Variants in ERC1 observed in about 807,000 individuals in gnomAD.
ERC1 encodes ELKS/RAB6-interacting/CAST family member 1.
A neutral mutation model predicts 132.0 loss-of-function variants in ERC1; 56 were observed. The ratio of observed to expected loss-of-function variants is 0.42; its 90% confidence interval spans 0.34 to 0.53. The LOEUF is 0.53. Ranked by LOEUF, ERC1 falls within the 20% of genes least tolerant of loss-of-function variation. The pLI is 0.03. For missense variants in ERC1, 1,202 were observed against 1,349.9 expected (o/e 0.89, Z 1.72); for synonymous variants, 478 against 476.1 (o/e 1.00, Z -0.05).
chr12:1,028,546 T>C lies in ERC1; in HGVS notation c.643T>C (p.Tyr215His). 1 of 1,612,598 alleles carries C rather than the reference T, an allele frequency of 6.2e-7. No homozygotes were observed. The highest frequency in any genetic ancestry group is 8.5e-7 in the Non-Finnish European group (1 of 1,179,516). Residue 215 changes from tyrosine (Y) to histidine (H), a missense_variant, in exon 2 of 19, where the codon TAC (tyrosine) becomes CAC (histidine). Physicochemically the swap from Tyr to His is moderately conservative, Grantham distance 83. Coordinates refer to ENST00000360905, the MANE Select transcript of ERC1 (RefSeq NM_178040.4). ...CAAAATCACCATTTGGAAGGAACAG[T>C]ACAGAGTTGTACAGGAGGAAAACCA... ...ASKITIWKEQ[Y>H]RVVQEENQHM...
At chr12:1,000,411 T>C (rs1436649681) in intron 1 of ERC1, among the ~76,000 whole-genome samples, 3 of 150,258 alleles carry the variant, frequency 2.0e-5, no homozygotes, top group African/African-American at 7.4e-5. Flanking sequence ...CCTTGAACCC[T>C]GGAGGCGGAG....
chr12:1,320,411 G>A (rs2082034665), intron 15 of ERC1, among the ~76,000 whole-genome samples: 1 of 152,108 alleles, frequency 6.6e-6, no homozygotes, highest in South Asian at 2.1e-4. Flanking sequence ...TTTTATATTT[G>A]AGATATCTTT....
chr12:1,366,499 A>G (rs1466495090), intron 15 of ERC1, among the ~76,000 whole-genome samples: 3 of 152,234 alleles, frequency 2.0e-5, no homozygotes, highest in Non-Finnish European at 2.9e-5. Context: ...CAGAGGACAT[A>G]ACATAAACCT....
chr12:1,310,447 G>C (rs1281703396), intron 15 of ERC1, among the ~76,000 whole-genome samples: 1 of 152,148 alleles, frequency 6.6e-6, no homozygotes, highest in Non-Finnish European at 1.5e-5. Flanking sequence ...GACCTCAGGT[G>C]ATCTGCCTGC....
intron 2 of ERC1, among the ~76,000 whole-genome samples, chr12:1,072,310 A>T (rs1394939226): frequency 6.6e-6 from 1 of 152,194 alleles, no homozygotes; most frequent in East Asian, 1.9e-4. Flanking sequence ...AAGGAAGCAA[A>T]TTTATTTTCC....
chr12:1,146,915 T>C (rs995470536), intron 8 of ERC1, among the ~76,000 whole-genome samples: 25 of 152,114 alleles, frequency 1.6e-4, no homozygotes, highest in African/African-American at 6.0e-4. Context: ...ACAATGATGG[T>C]TTCCAGTTTC....
intron 1 of ERC1, among the ~76,000 whole-genome samples, chr12:998,140 TTC>T (rs1565742903): frequency 6.6e-6 from 1 of 152,228 alleles, no homozygotes; most frequent in Non-Finnish European, 1.5e-5. Flanking sequence ...CTCAACCTAT[TTC>T]TGTCTTGTTT....
chr12:1,014,413 A>G lies in ERC1; in HGVS notation c.-156-13335A>G, dbSNP rs188964055. 5.5e-3 allele frequency among the ~76,000 whole-genome samples: 832 copies of G among 151,784 alleles called. 9 individuals carry two copies. The highest frequency in any genetic ancestry group is 0.018 in the African/African-American group (755 of 41,390). On this transcript the variant is annotated intron_variant, in intron 1 of 18. Transcript: ENST00000360905. ...CTGGTCTCGAACTCCTGAGCTCAGG[A>G]GATCCACCCATCTTGGCCTCTCAAA...
In ERC1 at chr12:1,494,287, A is replaced by G. The variant is rs1213813772; in HGVS notation, c.*4057A>G. The G allele has an allele frequency of 4.3e-6, 1 of 232,000 alleles. No homozygotes were observed. The highest frequency in any genetic ancestry group is 2.2e-5 in the African/African-American group (1 of 45,276). The allele number at this position is 232,000 out of a possible 1,614,324, so 14.4% of individuals were successfully genotyped here. ...TGCAGAGTGAGGCCGCCCGTCCATC[A>G]CTGCCAGCCCTGGGCTGCTCAGGAG... On this transcript the variant is annotated 3_prime_UTR_variant, in exon 19 of 19. Transcript: ENST00000360905.
chr12:1,179,682 T>C (rs1434705588), intron 8 of ERC1, among the ~76,000 whole-genome samples: 9 of 151,964 alleles, frequency 5.9e-5, no homozygotes, highest in Non-Finnish European at 1.2e-4. Context: ...TAATTTTTTG[T>C]ATTTTTAGTA....
At chr12:1,067,603 G>C (rs1294611492) in intron 2 of ERC1, among the ~76,000 whole-genome samples, 1 of 152,162 alleles carries the variant, frequency 6.6e-6, no homozygotes, top group Non-Finnish European at 1.5e-5. Context: ...GCTCAGGGGT[G>C]TGCCCCTGTA....
intron 18 of ERC1, among the ~76,000 whole-genome samples, chr12:1,472,665 AGAG>A (rs1183298986): frequency 6.7e-6 from 1 of 148,412 alleles, no homozygotes; most frequent in African/African-American, 2.6e-5. Flanking sequence ...AAAAAAAAAA[AGAG>A]AAGAGAAAAG....
intron 8 of ERC1, among the ~76,000 whole-genome samples, chr12:1,149,622 C>T (rs1250860338): frequency 6.6e-6 from 1 of 152,094 alleles, no homozygotes; most frequent in Non-Finnish European, 1.5e-5. Context: ...TGGTCTCGAA[C>T]TCCTGGACTG....
At chr12:1,042,857 G>T (rs1235144369) in intron 2 of ERC1, among the ~76,000 whole-genome samples, 1 of 151,922 alleles carries the variant, frequency 6.6e-6, no homozygotes, top group Non-Finnish European at 1.5e-5. Flanking sequence ...CTTTTCACAT[G>T]ACTCCTCTTC....
chr12:1,475,136 A>C (rs993984824), intron 18 of ERC1, among the ~76,000 whole-genome samples: 1 of 152,198 alleles, frequency 6.6e-6, no homozygotes. Flanking sequence ...CCATCCCTTA[A>C]GAACTTTAAA....
chr12:1,302,918 G>A (rs1262120949), intron 15 of ERC1, among the ~76,000 whole-genome samples: 3 of 152,240 alleles, frequency 2.0e-5, no homozygotes, highest in East Asian at 1.9e-4. Context: ...AGCTGTAATC[G>A]CATCACTGCA....
intron 2 of ERC1, among the ~76,000 whole-genome samples, chr12:1,070,938 A>T (rs572499165): frequency 1.1e-4 from 16 of 152,306 alleles, no homozygotes; most frequent in Admixed American, 5.9e-4. Context: ...CTTCATTTAA[A>T]TGGAATCATA....
At chr12:1,069,367 C>T (rs964904021) in intron 2 of ERC1, among the ~76,000 whole-genome samples, 6 of 152,136 alleles carry the variant, frequency 3.9e-5, no homozygotes, top group African/African-American at 1.4e-4. Context: ...GTTGGAGGCA[C>T]ACTCTGCTAC....
chr12:1,243,609 G>T (rs1211294277), intron 13 of ERC1, among the ~76,000 whole-genome samples: 1 of 152,182 alleles, frequency 6.6e-6, no homozygotes, highest in East Asian at 1.9e-4. Flanking sequence ...TTTGCCTCGT[G>T]TTACTTCATT....
Sources: allele counts gnomAD v4.1 joint callset (sites outside exome capture counted in the v4.1 genomes callset), GRCh38; gene constraint gnomAD v4.1.1; transcripts MANE v1.5; gene names NCBI Gene and HGNC (gene_info 2026-07-23, HGNC 2026-07-21).